LOC128706665: variants seen among roughly 807,000 people sequenced by gnomAD.
chr20:10,433,100 C>T, the LOC128706665 span, among the ~76,000 whole-genome samples: 21 of 152,336 alleles, frequency 1.4e-4, no homozygotes, highest in African/African-American at 5.0e-4. Context: ...GCCTCCAGGG[C>T]TCAAGCGATT....
chr20:10,427,889 G>A, the LOC128706665 span, among the ~76,000 whole-genome samples: 1 of 152,146 alleles, frequency 6.6e-6, no homozygotes, highest in Non-Finnish European at 1.5e-5. Context: ...AACCATTCAA[G>A]GTCAGCTTGA....
chr20:10,432,205 A>C, the LOC128706665 span, among the ~76,000 whole-genome samples: 4 of 152,330 alleles, frequency 2.6e-5, no homozygotes, highest in Admixed American at 2.6e-4. Context: ...CCAACCCAGC[A>C]CTAGAGTTCC....
the LOC128706665 span, among the ~76,000 whole-genome samples, chr20:10,423,852 C>A: frequency 6.6e-6 from 1 of 152,218 alleles, no homozygotes; most frequent in Non-Finnish European, 1.5e-5. Flanking sequence ...CTAAACATCA[C>A]TGAGACTCAG....
At chr20:10,427,684 G>C in the LOC128706665 span, among the ~76,000 whole-genome samples, 1 of 152,228 alleles carries the variant, frequency 6.6e-6, no homozygotes, top group African/African-American at 2.4e-5. Context: ...GAAATGAACT[G>C]ACATGGTAAA....
chr20:10,417,052 C>T, the LOC128706665 span, among the ~76,000 whole-genome samples: 3 of 151,760 alleles, frequency 2.0e-5, no homozygotes, highest in African/African-American at 7.3e-5. Flanking sequence ...AGTAAAAGAT[C>T]ACCTGGCCAA....
the LOC128706665 span, among the ~76,000 whole-genome samples, chr20:10,428,177 A>G: frequency 6.6e-6 from 1 of 152,240 alleles, no homozygotes; most frequent in African/African-American, 2.4e-5. Context: ...GTGGTTTATC[A>G]CAATGGTTGT....
the LOC128706665 span, among the ~76,000 whole-genome samples, chr20:10,421,114 T>C: frequency 6.6e-6 from 1 of 152,212 alleles, no homozygotes; most frequent in Admixed American, 6.5e-5. Flanking sequence ...AAGAGCCTTT[T>C]TTTAAATTAT....
chr20:10,419,302 A>C, the LOC128706665 span, among the ~76,000 whole-genome samples: 6 of 152,180 alleles, frequency 3.9e-5, no homozygotes, highest in Admixed American at 3.9e-4. Flanking sequence ...GGGCCAGATG[A>C]GTTTCATAAT....
At chr20:10,426,775 G>T in the LOC128706665 span, among the ~76,000 whole-genome samples, 1 of 152,158 alleles carries the variant, frequency 6.6e-6, no homozygotes, top group Non-Finnish European at 1.5e-5. Flanking sequence ...AAATTAGAGG[G>T]CATCTTACAG....
At chr20:10,419,635 T>C in the LOC128706665 span, among the ~76,000 whole-genome samples, 1 of 152,234 alleles carries the variant, frequency 6.6e-6, no homozygotes, top group African/African-American at 2.4e-5. Context: ...AATACTCCTG[T>C]GCTTTGGGTA....
chr20:10,432,944 G>A, the LOC128706665 span, among the ~76,000 whole-genome samples: 1 of 152,112 alleles, frequency 6.6e-6, no homozygotes, highest in Non-Finnish European at 1.5e-5. Flanking sequence ...TTTAGGGAAT[G>A]ACAAGAAAAA....
chr20:10,433,380 C>T, the LOC128706665 span, among the ~76,000 whole-genome samples: 1 of 152,222 alleles, frequency 6.6e-6, no homozygotes, highest in Non-Finnish European at 1.5e-5. Flanking sequence ...TATTGTTTCT[C>T]CCCCATCACT....
At chr20:10,432,695 T>C in the LOC128706665 span, among the ~76,000 whole-genome samples, 1 of 143,600 alleles carries the variant, frequency 7.0e-6, no homozygotes, top group African/African-American at 2.6e-5. Flanking sequence ...CTCCGGAGGC[T>C]AAGGCAGGGA....
chr20:10,422,286 GCCTTTT>G, the LOC128706665 span, among the ~76,000 whole-genome samples: 2 of 151,704 alleles, frequency 1.3e-5, no homozygotes, highest in Non-Finnish European at 2.9e-5. Flanking sequence ...GTATTTTATG[GCCTTTT>G]CCTTTTCTAA....
chr20:10,414,559 C>T, the LOC128706665 span, among the ~76,000 whole-genome samples: 6 of 152,150 alleles, frequency 3.9e-5, no homozygotes, highest in East Asian at 5.8e-4. Context: ...GCCACTGTGC[C>T]CGGCAAGTCT....
chr20:10,432,827 T>G, the LOC128706665 span, among the ~76,000 whole-genome samples: 1 of 149,698 alleles, frequency 6.7e-6, no homozygotes, highest in African/African-American at 2.4e-5. Flanking sequence ...CGTGTAGTTT[T>G]GTACACAACT....
At chr20:10,421,495 G>A in the LOC128706665 span, among the ~76,000 whole-genome samples, 1 of 151,624 alleles carries the variant, frequency 6.6e-6, no homozygotes, top group Non-Finnish European at 1.5e-5. Flanking sequence ...TATGCAGTAA[G>A]AATTTAGGTT....
At chr20:10,417,856 A>G in the LOC128706665 span, among the ~76,000 whole-genome samples, 1 of 152,212 alleles carries the variant, frequency 6.6e-6, no homozygotes, top group South Asian at 2.1e-4. Flanking sequence ...GGGGAGAGAA[A>G]GAGGAAATTG....
the LOC128706665 span, among the ~76,000 whole-genome samples, chr20:10,414,414 C>T: frequency 7.2e-5 from 11 of 151,962 alleles, no homozygotes; most frequent in South Asian, 2.1e-4. Flanking sequence ...TACAGGCATG[C>T]GCCACCATGC....
Sources: allele counts gnomAD v4.1 joint callset (sites outside exome capture counted in the v4.1 genomes callset), GRCh38; gene constraint gnomAD v4.1.1; transcripts MANE v1.5.